The following FRMD5 variants were observed in gnomAD, a reference collection of about 807,000 sequenced individuals.
The protein encoded by FRMD5 is FERM domain containing 5.
FRMD5 carries 20 observed loss-of-function variants against 69.0 expected under a neutral mutation model. The observed-to-expected ratio is 0.29, with a 90% confidence interval of 0.20 to 0.42. FRMD5 has a LOEUF of 0.42. FRMD5 is among the 10% of genes least tolerant of loss of function. The pLI, the probability that FRMD5 is intolerant of heterozygous loss-of-function variation, is 1.00. For missense variants in FRMD5, 595 were observed against 708.6 expected (o/e 0.84, Z 1.82); for synonymous variants, 271 against 260.1 (o/e 1.04, Z -0.40).
intron 1 of FRMD5, among the ~76,000 whole-genome samples, chr15:44,110,038 CTT>C (rs2076775566): frequency 6.6e-6 from 1 of 152,024 alleles, no homozygotes; most frequent in Non-Finnish European, 1.5e-5. Flanking sequence ...CTTCTTGTAA[CTT>C]TGTGTATTTA....
chr15:44,197,515 C>T (rs2078320656), upstream of FRMD5, among the ~76,000 whole-genome samples: 2 of 150,904 alleles, frequency 1.3e-5, no homozygotes, highest in Admixed American at 6.6e-5. Flanking sequence ...AACCCTGTCT[C>T]TACTGAAAAT....
upstream of FRMD5, among the ~76,000 whole-genome samples, chr15:44,198,199 C>T (rs1479570977): frequency 6.6e-6 from 1 of 151,784 alleles, no homozygotes; most frequent in African/African-American, 2.4e-5. Flanking sequence ...TGGCACACAC[C>T]TGTAGTCCCA....
chr15:44,119,587 T>C (rs1220997425), intron 1 of FRMD5, among the ~76,000 whole-genome samples: 1 of 152,142 alleles, frequency 6.6e-6, no homozygotes, highest in Non-Finnish European at 1.5e-5. Context: ...TTCCCATGAA[T>C]AAATTTCAGA....
intron 1 of FRMD5, among the ~76,000 whole-genome samples, chr15:44,085,722 T>C (rs1894170549): frequency 6.6e-6 from 1 of 152,196 alleles, no homozygotes; most frequent in South Asian, 2.1e-4. Context: ...GTATGGCTAA[T>C]GAATTTTGAG....
intron 1 of FRMD5, among the ~76,000 whole-genome samples, chr15:44,043,268 TAA>T (rs1351264113): frequency 6.6e-6 from 1 of 152,022 alleles, no homozygotes; most frequent in Admixed American, 6.6e-5. Context: ...CTCAAGGAAA[TAA>T]GAGAGGACAC....
In FRMD5 at chr15:44,074,469, G is replaced by A. The variant is rs1595695510; in HGVS notation, c.102+120484C>T. On this transcript the variant is annotated intron_variant, in intron 1 of 13. Coordinates refer to ENST00000417257, the MANE Select transcript of FRMD5 (RefSeq NM_032892.5). ...GAAATAATTAACATGATCTTTGGCA[G>A]GAGAAAAAATGGAAATCACAGAGCT... Among the ~76,000 whole-genome samples, 3 of 151,514 alleles carry A rather than the reference G, an allele frequency of 2.0e-5. No individual in the cohort carries two copies. In the South Asian group the frequency reaches 6.2e-4, roughly 31 times the overall value.
intron 4 of FRMD5, chr15:43,917,681 G>A (rs2089417872): frequency 6.6e-6 from 1 of 152,244 alleles, no homozygotes; most frequent in Non-Finnish European, 1.5e-5. Flanking sequence ...CACCACACCT[G>A]GCCTGAAATT....
At chr15:44,004,681 T>C (rs976957946) in intron 1 of FRMD5, among the ~76,000 whole-genome samples, 5 of 152,212 alleles carry the variant, frequency 3.3e-5, no homozygotes, top group African/African-American at 9.6e-5. Flanking sequence ...TGGGCCTCCC[T>C]ATACCCTGAG....
chr15:43,920,988 G>C (rs1395203975), intron 2 of FRMD5, among the ~76,000 whole-genome samples: 2 of 152,190 alleles, frequency 1.3e-5, no homozygotes, highest in Non-Finnish European at 2.9e-5. Context: ...TCTTCTGTCA[G>C]CTCCACATGG....
intron 1 of FRMD5, among the ~76,000 whole-genome samples, chr15:43,995,924 T>C (rs1236165446): frequency 6.6e-6 from 1 of 152,106 alleles, no homozygotes; most frequent in Non-Finnish European, 1.5e-5. Context: ...GCCTGGACCC[T>C]GGATCTGCTA....
chr15:43,875,348 C>CAAA (rs1202161221), intron 13 of FRMD5, among the ~76,000 whole-genome samples: 1,155 of 46,594 alleles, frequency 0.025, 49 homozygotes, highest in African/African-American at 0.045. Flanking sequence ...AAGACTGTCT[C>CAAA]AAAAAAAAAA....
chr15:43,948,664 A>G (rs765928919), intron 1 of FRMD5, among the ~76,000 whole-genome samples: 8 of 152,132 alleles, frequency 5.3e-5, no homozygotes, highest in Non-Finnish European at 1.0e-4. Context: ...ATACTCCCTC[A>G]CTCTATATAA....
At chr15:44,085,789 T>C (rs1265786928) in intron 1 of FRMD5, among the ~76,000 whole-genome samples, 1 of 152,122 alleles carries the variant, frequency 6.6e-6, no homozygotes, top group East Asian at 1.9e-4. Context: ...TCACAAACAT[T>C]TATTGAGCCC....
intron 1 of FRMD5, among the ~76,000 whole-genome samples, chr15:44,105,116 AC>A (rs1206680323): frequency 1.4e-5 from 2 of 143,128 alleles, no homozygotes; most frequent in East Asian, 4.1e-4. Context: ...ACAGGGTCTC[AC>A]CCAGGCTGGA....
At chr15:43,911,946 TAACA>T (rs918982168) in intron 4 of FRMD5, among the ~76,000 whole-genome samples, 5 of 152,024 alleles carry the variant, frequency 3.3e-5, no homozygotes, top group African/African-American at 1.2e-4. Context: ...TTCAAGCAAT[TAACA>T]AACAGAAATG....
Position 43,919,551 on chromosome 15 carries a change from G to A in FRMD5, c.251-14C>T, listed in dbSNP as rs2140439776. On this transcript the variant is annotated splice_polypyrimidine_tract_variant and intron_variant, in intron 3 of 13. Coordinates refer to ENST00000417257, the MANE Select transcript of FRMD5 (RefSeq NM_032892.5). Reference sequence around the variant, plus strand: ...ATGGAGGCTGGGCTGCAGAGAAAAAGAGGTGCTCATCAGGGAAGACTCTCA... The same window carrying A: ...ATGGAGGCTGGGCTGCAGAGAAAAAAAGGTGCTCATCAGGGAAGACTCTCA... The A allele has an allele frequency of 6.2e-7, 1 of 1,613,436 alleles. No individual in the cohort carries two copies. The highest frequency in any genetic ancestry group is 2.2e-5 in the East Asian group (1 of 44,880).
chr15:44,196,689 A>AT (rs374948519), upstream of FRMD5, among the ~76,000 whole-genome samples: 109,151 of 121,100 alleles, frequency 0.9, 49,549 homozygotes, highest in Middle Eastern at 0.96. Context: ...ATTTTCCCCA[A>AT]TTTTTTTTTT....
At chr15:44,019,827 G>A (rs75848249) in intron 1 of FRMD5, among the ~76,000 whole-genome samples, 2,735 of 151,042 alleles carry the variant, frequency 0.018, 38 homozygotes, top group South Asian at 0.027. Flanking sequence ...TCCTTGGCAC[G>A]GTGTCTAATA....
In FRMD5 at chr15:43,873,605, C is replaced by T. The variant is rs1460707458; in HGVS notation, c.*280G>A. ...TCTATGAAAAATCAAAATTCAAAAC[C>T]AAAAATTATCCTGCAAATTGGAAAG... On this transcript the variant is annotated 3_prime_UTR_variant, in exon 14 of 14. Coordinates refer to ENST00000417257, the MANE Select transcript of FRMD5 (RefSeq NM_032892.5). 2 of 1,448,318 alleles carry T rather than the reference C, an allele frequency of 1.4e-6. No homozygotes were observed. The highest frequency in any genetic ancestry group is 2.9e-5 in the African/African-American group (2 of 69,506). The allele number at this position is 1,448,318 out of a possible 1,614,324, so 89.7% of individuals were successfully genotyped here.
Sources: gnomAD v4.1 joint callset for allele counts (sites outside exome capture counted in the v4.1 genomes callset) on GRCh38, gnomAD v4.1.1 for gene constraint, MANE v1.5 for transcripts, NCBI Gene and HGNC (gene_info 2026-07-23, HGNC 2026-07-21) for gene names.